SMC6: variants seen among roughly 807,000 people sequenced by gnomAD.
The protein encoded by SMC6 is structural maintenance of chromosomes protein 6.
A neutral mutation model predicts 142.2 loss-of-function variants in SMC6; 79 were observed. That is an observed-to-expected ratio of 0.56 (90% CI 0.46 to 0.67). The LOEUF (loss-of-function observed/expected upper bound fraction) is 0.67, where lower values mean the gene tolerates loss of function less well. SMC6 is among the 30% of genes least tolerant of loss of function. SMC6 has a pLI of 0.00. For missense variants in SMC6, 1,072 were observed against 1,284.0 expected, an observed-to-expected ratio of 0.83 and a Z score of 2.52; for synonymous variants, 411 against 412.4, an observed-to-expected ratio of 1.00 and a Z score of 0.04.
chr2:17,711,877 C>T (rs1668841928), intron 16 of SMC6, among the ~76,000 whole-genome samples: 1 of 152,122 alleles, frequency 6.6e-6, no homozygotes, highest in African/African-American at 2.4e-5. Flanking sequence ...ATTCGGCCTC[C>T]CAAAGTGCTG....
chr2:17,691,347 T>C (rs1203461409), intron 23 of SMC6, among the ~76,000 whole-genome samples: 3 of 94,034 alleles, frequency 3.2e-5, no homozygotes, highest in Non-Finnish European at 4.2e-5. Flanking sequence ...TGTGTGTGTG[T>C]GTCTGTGTGT....
chr2:17,752,321 T>C (rs1222615478), intron 2 of SMC6, among the ~76,000 whole-genome samples: 1 of 152,238 alleles, frequency 6.6e-6, no homozygotes, highest in East Asian at 1.9e-4. Context: ...ATGTGAATAG[T>C]TGTTATACTG....
rs1276486164 is a variant in SMC6, at chr2:17,664,618, T to G, written c.*881A>C. On this transcript the variant is annotated 3_prime_UTR_variant, in exon 28 of 28. Transcript: ENST00000448223. ...CATTTTTTACAATAACTATATTTGG[T>G]CATTCTAAGCAGCACACTTTTTAAC... 1 of 152,214 alleles carries G rather than the reference T, an allele frequency of 6.6e-6. No individual in the cohort carries two copies. Among genetic ancestry groups the G allele is most frequent in the Non-Finnish European group, 1.5e-5 (1 of 68,030 alleles). The allele number at this position is 152,214 out of a possible 1,614,324, so 9.4% of individuals were successfully genotyped here.
At chr2:17,688,443 T>C (rs1299594088) in intron 23 of SMC6, among the ~76,000 whole-genome samples, 1 of 152,012 alleles carries the variant, frequency 6.6e-6, no homozygotes, top group Non-Finnish European at 1.5e-5. Flanking sequence ...CTCATGCCTG[T>C]AATCCCAGCA....
rs771826708 is a variant in SMC6, at chr2:17,665,621, A to C, written c.3162-8T>G. 3.3e-6 allele frequency: 5 copies of C among 1,534,610 alleles called. No individual in the cohort carries two copies. The highest frequency in any genetic ancestry group is 1.7e-4 in the Middle Eastern group (1 of 5,830). On this transcript the variant is annotated splice_region_variant and splice_polypyrimidine_tract_variant and intron_variant, in intron 27 of 27. Coordinates refer to ENST00000448223, the MANE Select transcript of SMC6 (RefSeq NM_001142286.2). ...TTACTGGATGGAAGTGAACTAGAAG[A>C]AGCAAAATCAATTACTCAAATTTCC...
At chr2:17,718,338 G>A in intron 11 of SMC6, 115 bp from the exon 12 acceptor site, 1 of 601,148 alleles carries the variant, frequency 1.7e-6, no homozygotes, top group Non-Finnish European at 2.6e-6. Flanking sequence ...CAAGACATCA[G>A]GCAAATAAAC....
intron 16 of SMC6, among the ~76,000 whole-genome samples, chr2:17,709,348 T>C (rs887647832): frequency 6.6e-6 from 1 of 152,108 alleles, no homozygotes; most frequent in Non-Finnish European, 1.5e-5. Context: ...AGAGGAAATA[T>C]GAAAGAAAAG....
At chr2:17,670,394 G>T (rs1666700344) in intron 26 of SMC6, 29 bp downstream of exon 26, 1 of 1,583,960 alleles carries the variant, frequency 6.3e-7, no homozygotes, top group East Asian at 2.3e-5. Flanking sequence ...ACAAAAAAAT[G>T]AAAAAGAGAA....
At chr2:17,683,879 G>T in intron 23 of SMC6, 116 bp from the exon 24 acceptor site, 1 of 868,678 alleles carries the variant, frequency 1.2e-6, no homozygotes, top group Non-Finnish European at 1.9e-6. Context: ...TACTAAGGGG[G>T]CCTAGTAGCA....
Position 17,678,843 on chromosome 2 carries a change from G to A in SMC6, c.2910+16C>T. 2 of 1,517,244 alleles carry A rather than the reference G, an allele frequency of 1.3e-6. No homozygotes were observed. Among genetic ancestry groups the A allele is most frequent in the Non-Finnish European group, 1.8e-6 (2 of 1,104,730 alleles). The allele number at this position is 1,517,244 out of a possible 1,614,324, so 94.0% of individuals were successfully genotyped here. ...GTTTTTCTAATGATTAGGATGAAAAGAATTAGGATACTTACTGATATACTT... is the reference window on the plus strand; with the variant it reads ...GTTTTTCTAATGATTAGGATGAAAAAAATTAGGATACTTACTGATATACTT... On this transcript the variant is annotated intron_variant, in intron 25 of 27. Transcript: ENST00000448223.
intron 23 of SMC6, among the ~76,000 whole-genome samples, chr2:17,686,827 T>C (rs1211208734): frequency 6.6e-6 from 1 of 152,212 alleles, no homozygotes; most frequent in Non-Finnish European, 1.5e-5. Context: ...CAACCACAGA[T>C]TGTTTACATG....
chr2:17,731,654 A>T (rs1019292395), intron 6 of SMC6, 87 bp downstream of exon 6: 2 of 1,280,518 alleles, frequency 1.6e-6, no homozygotes, highest in Admixed American at 1.9e-5. Flanking sequence ...TACAAGGAAG[A>T]TAGTTCAATC....
chr2:17,685,480 A>G (rs1228196212), intron 23 of SMC6, among the ~76,000 whole-genome samples: 2 of 152,194 alleles, frequency 1.3e-5, no homozygotes, highest in Non-Finnish European at 2.9e-5. Flanking sequence ...TCAACTTGTA[A>G]AACATAGAAA....
Position 17,685,689 on chromosome 2 carries a change from GA to G in SMC6, c.2679-1927del, listed in dbSNP as rs1051509509. ...TTAGAACATGTGGAAAAAGGAATAA[GA>G]AAAAAAAATCATAGGTGAATACCTC... On this transcript the variant is annotated intron_variant, in intron 23 of 27. Transcript: ENST00000448223. Among the ~76,000 whole-genome samples, 463 of 150,948 alleles carry G rather than the reference GA, an allele frequency of 3.1e-3. 3 individuals are homozygous for G. The highest frequency in any genetic ancestry group is 0.011 in the African/African-American group (439 of 41,272).
Position 17,664,837 on chromosome 2 carries a change from G to C in SMC6, c.*662C>G, listed in dbSNP as rs980752022. 1.3e-5 allele frequency: 2 copies of C among 152,278 alleles called. No homozygotes were observed. Among genetic ancestry groups the C allele is most frequent in the South Asian group, 4.1e-4 (2 of 4,822 alleles). 9.4% of individuals were successfully genotyped at this position (152,278 alleles called of 1,614,324 possible). On this transcript the variant is annotated 3_prime_UTR_variant, in exon 28 of 28. Transcript: ENST00000448223. ...TGTCCTCTCAGCTGAGGACAAGCCT[G>C]AACAGTCCCTGGACTGCAAACTGAG...
Position 17,673,632 on chromosome 2 carries a change from T to C in SMC6, c.2911-3057A>G, listed in dbSNP as rs540974984. 7.7e-4 allele frequency among the ~76,000 whole-genome samples: 117 copies of C among 151,530 alleles called. 2 individuals carry two copies. The highest frequency in any genetic ancestry group is 2.8e-3 in the African/African-American group (114 of 41,266). On this transcript the variant is annotated intron_variant, in intron 25 of 27. Coordinates refer to ENST00000448223, the MANE Select transcript of SMC6 (RefSeq NM_001142286.2). ...TTGCCCAGGCTGGAGTGTAATGGTG[T>C]GATCTCGGTTCGCTGCAACCTCCGC...
intron 26 of SMC6, among the ~76,000 whole-genome samples, chr2:17,667,784 A>C (rs1018946298): frequency 6.6e-6 from 1 of 152,200 alleles, no homozygotes; most frequent in Non-Finnish European, 1.5e-5. Flanking sequence ...CAGGAGGCGG[A>C]GGTCGCAGTG....
intron 5 of SMC6, among the ~76,000 whole-genome samples, chr2:17,735,443 G>C (rs1414131012): frequency 6.6e-6 from 1 of 152,134 alleles, no homozygotes; most frequent in Non-Finnish European, 1.5e-5. Context: ...TCCTTCTCTG[G>C]GTCACCAGCT....
intron 17 of SMC6, among the ~76,000 whole-genome samples, chr2:17,707,759 G>C (rs1668619989): frequency 6.6e-6 from 1 of 151,936 alleles, no homozygotes; most frequent in Non-Finnish European, 1.5e-5. Flanking sequence ...CCCTAGAAAA[G>C]ATATGAATGA....
Sources: allele counts gnomAD v4.1 joint callset (sites outside exome capture counted in the v4.1 genomes callset), GRCh38; gene constraint gnomAD v4.1.1; transcripts MANE v1.5; gene names NCBI Gene and HGNC (gene_info 2026-07-23, HGNC 2026-07-21).